PDCD1LG2: variants seen among roughly 807,000 people sequenced by gnomAD.
The protein encoded by PDCD1LG2 is programmed cell death 1 ligand 2.
In PDCD1LG2, 32 loss-of-function variants were observed where a neutral mutation model predicts 28.2. That is an observed-to-expected ratio of 1.13 (90% CI 0.86 to 1.52). The LOEUF (loss-of-function observed/expected upper bound fraction) is 1.52. PDCD1LG2 is among the 40% of genes most tolerant of loss of function. The pLI is 0.00. For synonymous variants in PDCD1LG2, 116 were observed against 120.2 expected (o/e 0.97, Z 0.23); for missense variants, 385 against 323.8 (o/e 1.19, Z -1.45).
intron 5 of PDCD1LG2, 27 bp from the exon 6 acceptor site, chr9:5,563,135 T>A: frequency 6.4e-7 from 1 of 1,567,470 alleles, no homozygotes; most frequent in Non-Finnish European, 8.8e-7. Flanking sequence ...TTAATCTTAT[T>A]CCATTTCTGG....
In PDCD1LG2 at chr9:5,570,040, G is replaced by C. The variant is rs895056193; in HGVS notation, c.*81G>C. ...ACTCTGAACAAGAATTCGGTGGCCT[G>C]CAGAGCTTGCCATTTGCACTTTTCA... On this transcript the variant is annotated 3_prime_UTR_variant, in exon 7 of 7. Coordinates refer to ENST00000397747, the MANE Select transcript of PDCD1LG2 (RefSeq NM_025239.4). 5.7e-6 allele frequency: 9 copies of C among 1,570,330 alleles called. No homozygotes were observed. The African/African-American group carries it at 8.2e-5, about 14-fold the overall frequency.
At chr9:5,560,758 T>C (rs1429070521) in intron 5 of PDCD1LG2, among the ~76,000 whole-genome samples, 2 of 152,116 alleles carry the variant, frequency 1.3e-5, no homozygotes, top group Non-Finnish European at 2.9e-5. Flanking sequence ...TCCTTCCAGA[T>C]GGCTTCTTAG....
intron 4 of PDCD1LG2, among the ~76,000 whole-genome samples, chr9:5,552,013 A>G (rs950342699): frequency 4.6e-5 from 7 of 152,106 alleles, no homozygotes; most frequent in Non-Finnish European, 8.8e-5. Context: ...CCCTCACCTA[A>G]CACCCCAGAT....
At position 5,570,316 on chromosome 9, in the gene PDCD1LG2, A is replaced by T. The variant is rs1410407344; in HGVS notation, c.*357A>T. On this transcript the variant is annotated 3_prime_UTR_variant, in exon 7 of 7. Transcript: ENST00000397747. Reference sequence around the variant, plus strand: ...CTCAAGTTTTCTAAGTGATTTCCAAAAGCAGAGGTGTGTGGAAATTTCCAG... The same window carrying T: ...CTCAAGTTTTCTAAGTGATTTCCAATAGCAGAGGTGTGTGGAAATTTCCAG... 14 of 272,512 alleles carry T rather than the reference A, an allele frequency of 5.1e-5. No individual in the cohort carries two copies. In the Admixed American group the frequency reaches 5.8e-4, roughly 11 times the overall value. The allele number at this position is 272,512 out of a possible 1,614,324, so 16.9% of individuals were successfully genotyped here. A position where few individuals can be genotyped will look rare whatever the true frequency, so the allele number is the denominator to read the frequency against.
At chr9:5,515,609 C>G (rs544181380) in intron 1 of PDCD1LG2, among the ~76,000 whole-genome samples, 1 of 152,286 alleles carries the variant, frequency 6.6e-6, no homozygotes, top group African/African-American at 2.4e-5. Context: ...CTCCTTACCA[C>G]AGGCAGGTCA....
intron 1 of PDCD1LG2, among the ~76,000 whole-genome samples, chr9:5,514,772 GAAA>G (rs60002651): frequency 0.09 from 5,598 of 62,288 alleles, 73 homozygotes; most frequent in East Asian, 0.13. Context: ...AGTCTCTAAA[GAAA>G]AAAAAAAAAA....
intron 3 of PDCD1LG2, among the ~76,000 whole-genome samples, chr9:5,537,223 C>T (rs957815053): frequency 3.3e-5 from 5 of 152,016 alleles, no homozygotes; most frequent in African/African-American, 9.7e-5. Flanking sequence ...TTTACTCATA[C>T]GAACAAGATT....
chr9:5,549,192 G>C, intron 3 of PDCD1LG2, 143 bp from the exon 4 acceptor site: 1 of 760,814 alleles, frequency 1.3e-6, no homozygotes, highest in Non-Finnish European at 2.1e-6. Flanking sequence ...TGATATCAGG[G>C]ATATACAATG....
chr9:5,519,430 G>A (rs1820232643), intron 1 of PDCD1LG2, among the ~76,000 whole-genome samples: 1 of 152,174 alleles, frequency 6.6e-6, no homozygotes, highest in Admixed American at 6.5e-5. Flanking sequence ...CAAGGCCCCA[G>A]GTGTCAAAGC....
chr9:5,518,207 G>A (rs942992445), intron 1 of PDCD1LG2, among the ~76,000 whole-genome samples: 4 of 152,248 alleles, frequency 2.6e-5, no homozygotes, highest in Non-Finnish European at 4.4e-5. Flanking sequence ...AAACCCAGAT[G>A]TGTCTGATTT....
At chr9:5,533,665 C>A (rs1369657900) in intron 2 of PDCD1LG2, among the ~76,000 whole-genome samples, 1 of 151,950 alleles carries the variant, frequency 6.6e-6, no homozygotes, top group African/African-American at 2.4e-5. Context: ...TTGATTCTGC[C>A]TCATCTAAAA....
At chr9:5,558,296 C>A (rs145348834) in intron 5 of PDCD1LG2, among the ~76,000 whole-genome samples, 1 of 152,206 alleles carries the variant, frequency 6.6e-6, no homozygotes, top group African/African-American at 2.4e-5. Context: ...CAGCTCCCTT[C>A]GAGTTTCTCC....
intron 6 of PDCD1LG2, among the ~76,000 whole-genome samples, chr9:5,568,553 C>A (rs1300174236): frequency 1.3e-5 from 2 of 152,170 alleles, no homozygotes; most frequent in Non-Finnish European, 2.9e-5. Context: ...GTCCCTGGTG[C>A]CAAAAATGTT....
At chr9:5,541,513 G>T (rs1209404420) in intron 3 of PDCD1LG2, among the ~76,000 whole-genome samples, 1 of 152,106 alleles carries the variant, frequency 6.6e-6, no homozygotes, top group Admixed American at 6.5e-5. Context: ...AAAGTTTCAG[G>T]ATACAAAATT....
intron 4 of PDCD1LG2, among the ~76,000 whole-genome samples, chr9:5,555,521 A>G (rs1182213300): frequency 6.6e-6 from 1 of 152,236 alleles, no homozygotes; most frequent in Non-Finnish European, 1.5e-5. Flanking sequence ...CTAAGCTACC[A>G]TAATGAAGAG....
At chr9:5,526,677 A>G (rs1716988067) in intron 2 of PDCD1LG2, among the ~76,000 whole-genome samples, 2 of 152,128 alleles carry the variant, frequency 1.3e-5, no homozygotes, top group African/African-American at 2.4e-5. Flanking sequence ...GTCTCAAGCA[A>G]TCCTCCTGCC....
intron 2 of PDCD1LG2, among the ~76,000 whole-genome samples, chr9:5,530,514 A>C (rs1820462094): frequency 6.6e-6 from 1 of 152,026 alleles, no homozygotes; most frequent in Admixed American, 6.6e-5. Flanking sequence ...TAGTGTACAC[A>C]TGCCAGTGGA....
chr9:5,549,651 A>C, intron 4 of PDCD1LG2, 47 bp downstream of exon 4: 1 of 1,603,032 alleles, frequency 6.2e-7, no homozygotes, highest in Non-Finnish European at 8.5e-7. Context: ...GGGTTCAGAC[A>C]AGAAACAGAT....
chr9:5,533,691 C>G (rs758721384), intron 2 of PDCD1LG2, among the ~76,000 whole-genome samples: 1 of 152,012 alleles, frequency 6.6e-6, no homozygotes, highest in African/African-American at 2.4e-5. Context: ...TTACATACTT[C>G]TAGTGGCGTG....
Sources: allele counts gnomAD v4.1 joint callset (sites outside exome capture counted in the v4.1 genomes callset), GRCh38; gene constraint gnomAD v4.1.1; transcripts MANE v1.5; gene names NCBI Gene and HGNC (gene_info 2026-07-23, HGNC 2026-07-21).